IRAG1: variants seen among roughly 807,000 people sequenced by gnomAD.
IRAG1 encodes the protein inositol 1,4,5-triphosphate receptor associated 1.
Under a neutral mutation model 106.2 loss-of-function variants are expected in IRAG1, and 62 were observed. That is an observed-to-expected ratio of 0.58 (90% CI 0.48 to 0.72). The LOEUF (loss-of-function observed/expected upper bound fraction) is 0.72. IRAG1 is among the 30% of genes least tolerant of loss of function. The pLI, the probability that IRAG1 is intolerant of heterozygous loss-of-function variation, is 0.00. For missense variants in IRAG1, 1,064 were observed against 1,140.7 expected (o/e 0.93, Z 0.97); for synonymous variants, 462 against 443.9 (o/e 1.04, Z -0.51).
At chr11:10,606,626 C>T (rs1220303010) in intron 12 of IRAG1, 116 bp downstream of exon 12, 7 of 1,037,396 alleles carry the variant, frequency 6.7e-6, no homozygotes, top group Non-Finnish European at 9.7e-6. Context: ...ACCCCACAGT[C>T]ACTCTTTCTC....
chr11:10,680,670 GC>G (rs1260709822), intron 1 of IRAG1, among the ~76,000 whole-genome samples: 1 of 152,126 alleles, frequency 6.6e-6, no homozygotes, highest in Non-Finnish European at 1.5e-5. Context: ...GAGCTGGGCT[GC>G]CCGGGTTCAT....
Position 10,614,045 on chromosome 11 carries a change from G to C in IRAG1, c.1448-4194C>G, listed in dbSNP as rs142573303. ...AACTACGGGCCACCCTATAGCCTAG[G>C]TCCTGCCAAAATTATTCAAACTAGC... On this transcript the variant is annotated intron_variant, in intron 10 of 20. Transcript: ENST00000423302. Among the ~76,000 whole-genome samples the C allele has an allele frequency of 2.2e-3, 335 of 152,168 alleles. 1 individual carries two copies. The highest frequency in any genetic ancestry group is 7.6e-3 in the African/African-American group (316 of 41,498).
At chr11:10,577,293 C>T (rs1207693028) in intron 20 of IRAG1, among the ~76,000 whole-genome samples, 1 of 152,168 alleles carries the variant, frequency 6.6e-6, no homozygotes, top group Non-Finnish European at 1.5e-5. Context: ...CCTTCACTCT[C>T]TCCACACTTC....
At chr11:10,658,011 G>A (rs1420310906) in intron 1 of IRAG1, among the ~76,000 whole-genome samples, 3 of 152,252 alleles carry the variant, frequency 2.0e-5, no homozygotes, top group Non-Finnish European at 4.4e-5. Context: ...TAAAGGGTAA[G>A]CCATTGTGTC....
chr11:10,650,874 T>G (rs1858427894), intron 2 of IRAG1, among the ~76,000 whole-genome samples: 1 of 152,248 alleles, frequency 6.6e-6, no homozygotes, highest in South Asian at 2.1e-4. Flanking sequence ...GCTTGGGATA[T>G]GCAGATACAA....
At chr11:10,613,314 G>T (rs1478352410) in intron 10 of IRAG1, among the ~76,000 whole-genome samples, 1 of 150,626 alleles carries the variant, frequency 6.6e-6, no homozygotes, top group Admixed American at 6.6e-5. Flanking sequence ...AGATTAAGAG[G>T]TGCTGGAAAT....
chr11:10,618,953 T>C (rs1045192326), intron 10 of IRAG1, among the ~76,000 whole-genome samples: 3 of 151,822 alleles, frequency 2.0e-5, no homozygotes, highest in East Asian at 1.9e-4. Flanking sequence ...GTGAGCTGGG[T>C]TGGGGGTTGG....
intron 17 of IRAG1, 156 bp downstream of exon 17, chr11:10,593,336 T>G (rs777371282): frequency 1.7e-6 from 1 of 576,510 alleles, no homozygotes; most frequent in Non-Finnish European, 3.1e-6. Context: ...CTGGTGTATA[T>G]TGAGTTTTTG....
chr11:10,649,713 T>G (rs1036684785), intron 2 of IRAG1, among the ~76,000 whole-genome samples: 3 of 152,208 alleles, frequency 2.0e-5, no homozygotes, highest in African/African-American at 7.2e-5. Context: ...GTTGGCATGA[T>G]GAATTTCTAG....
intron 10 of IRAG1, among the ~76,000 whole-genome samples, chr11:10,610,926 G>A (rs1355552452): frequency 6.6e-6 from 1 of 152,106 alleles, no homozygotes; most frequent in African/African-American, 2.4e-5. Context: ...ATTTTAACCT[G>A]GTAGCTTTCC....
chr11:10,604,291 C>T, intron 13 of IRAG1, 114 bp downstream of exon 13: 5 of 1,357,526 alleles, frequency 3.7e-6, no homozygotes, highest in Non-Finnish European at 5.0e-6. Flanking sequence ...AGTCTTGGCT[C>T]AATTTTTCAC....
Position 10,643,670 on chromosome 11 carries a change from T to C in IRAG1, c.225+8355A>G, listed in dbSNP as rs1857717097. Among the ~76,000 whole-genome samples, 5 of 152,308 alleles carry C rather than the reference T, an allele frequency of 3.3e-5. No individual in the cohort carries two copies. The South Asian group carries it at 6.2e-4, about 19-fold the overall frequency. ...CTTTTAATGCAGTCATTTAGTCATCTAGCCAGCCAATTATCTACCCAACCT... is the reference window on the plus strand; with the variant it reads ...CTTTTAATGCAGTCATTTAGTCATCCAGCCAGCCAATTATCTACCCAACCT... On this transcript the variant is annotated intron_variant, in intron 2 of 20. Transcript: ENST00000423302.
intron 10 of IRAG1, among the ~76,000 whole-genome samples, chr11:10,615,599 C>T (rs562766992): frequency 6.6e-6 from 1 of 151,928 alleles, no homozygotes; most frequent in Admixed American, 6.6e-5. Flanking sequence ...ATACTATGCA[C>T]CCATAAAAAA....
chr11:10,671,017 G>A (rs1860176838), intron 1 of IRAG1, among the ~76,000 whole-genome samples: 1 of 152,190 alleles, frequency 6.6e-6, no homozygotes, highest in African/African-American at 2.4e-5. Context: ...AGCCATATCA[G>A]ATTTAAATTC....
At chr11:10,674,738 A>G (rs1403793185) in intron 1 of IRAG1, among the ~76,000 whole-genome samples, 1 of 152,224 alleles carries the variant, frequency 6.6e-6, no homozygotes, top group Non-Finnish European at 1.5e-5. Flanking sequence ...AGCTCAACAG[A>G]AAAGTGACTG....
At chr11:10,576,912 T>C (rs1850874059) in intron 20 of IRAG1, among the ~76,000 whole-genome samples, 1 of 152,158 alleles carries the variant, frequency 6.6e-6, no homozygotes, top group African/African-American at 2.4e-5. Context: ...ATTCACGGGG[T>C]GATTACTGAT....
In IRAG1 at chr11:10,581,953, G is replaced by A. The variant is rs139981470; in HGVS notation, c.2274C>T (p.Ala758=). 1 of 1,613,810 alleles carries A rather than the reference G, an allele frequency of 6.2e-7. No homozygotes were observed. The highest frequency in any genetic ancestry group is 8.5e-7 in the Non-Finnish European group (1 of 1,179,766). ...GKTNGDPDCE[A]SAPALTLSCL... Reference sequence around the variant, plus strand: ...AGCTCAGGGTCAGCGCAGGAGCAGAGGCTTCACAATCTGGGTCCCCATTTG... The same window carrying A: ...AGCTCAGGGTCAGCGCAGGAGCAGAAGCTTCACAATCTGGGTCCCCATTTG... Residue 758 remains alanine (A), a synonymous_variant, in exon 19 of 21, where the codon GCC becomes GCT. Transcript: ENST00000423302.
At position 10,622,135 on chromosome 11, in the gene IRAG1, T is replaced by G. The variant is rs547110352; in HGVS notation, c.1447+1643A>C. Among the ~76,000 whole-genome samples, 3 of 151,660 alleles carry G rather than the reference T, an allele frequency of 2.0e-5. No individual in the cohort carries two copies. In the East Asian group the frequency reaches 5.8e-4, roughly 30 times the overall value. Reference sequence around the variant, plus strand: ...TATATATATTTACAATAAAAAATAGTCCCCCACCCCCTCTGAAAAAGGGAG... The same window carrying G: ...TATATATATTTACAATAAAAAATAGGCCCCCACCCCCTCTGAAAAAGGGAG... On this transcript the variant is annotated intron_variant, in intron 10 of 20. Coordinates refer to ENST00000423302, the MANE Select transcript of IRAG1 (RefSeq NM_130385.4).
intron 10 of IRAG1, among the ~76,000 whole-genome samples, chr11:10,614,157 C>T (rs187634786): frequency 1.3e-5 from 2 of 152,268 alleles, no homozygotes; most frequent in African/African-American, 4.8e-5. Context: ...CCATCTCTCC[C>T]CTCACCACTT....
Sources: allele counts gnomAD v4.1 joint callset (sites outside exome capture counted in the v4.1 genomes callset), GRCh38; gene constraint gnomAD v4.1.1; transcripts MANE v1.5; gene names NCBI Gene and HGNC (gene_info 2026-07-23, HGNC 2026-07-21).